SLC37A1: variants seen among roughly 807,000 people sequenced by gnomAD.
SLC37A1 encodes solute carrier family 37 member 1, also known as glucose-6-phosphate exchanger SLC37A1.
SLC37A1 carries 49 observed loss-of-function variants against 75.3 expected under a neutral mutation model. The ratio of observed to expected loss-of-function variants is 0.65; its 90% CI spans 0.52 to 0.83. The LOEUF (loss-of-function observed/expected upper bound fraction) is 0.83. Among genes scored for constraint, SLC37A1 ranks in the 40% least tolerant of loss-of-function variants. The pLI, the probability that SLC37A1 is intolerant of heterozygous loss-of-function variation, is 0.00. For missense variants in SLC37A1, 566 were observed against 695.0 expected, an observed-to-expected ratio of 0.81 and a Z score of 2.09; for synonymous variants, 268 against 292.1, an observed-to-expected ratio of 0.92 and a Z score of 0.84.
intron 3 of SLC37A1, chr21:42,526,089 C>A: frequency 2.2e-6 from 1 of 454,604 alleles, no homozygotes; most frequent in African/African-American, 2.0e-5. Flanking sequence ...TATTAGTTGA[C>A]ATTTCCAGAA....
At chr21:42,523,040 G>A (rs952372418) in intron 2 of SLC37A1, among the ~76,000 whole-genome samples, 5 of 152,238 alleles carry the variant, frequency 3.3e-5, no homozygotes, top group African/African-American at 7.2e-5. Context: ...ACCTCAGCCC[G>A]ACAAAGGGAG....
At chr21:42,564,515 C>T (rs1008212324) in intron 13 of SLC37A1, among the ~76,000 whole-genome samples, 193 bp from the exon 14 acceptor site, 4 of 152,230 alleles carry the variant, frequency 2.6e-5, no homozygotes, top group Non-Finnish European at 5.9e-5. Flanking sequence ...GTCTCCAAGA[C>T]TCTCACATCT....
intron 13 of SLC37A1, among the ~76,000 whole-genome samples, chr21:42,564,087 C>T (rs1280447237): frequency 6.6e-6 from 1 of 152,058 alleles, no homozygotes; most frequent in East Asian, 1.9e-4. Flanking sequence ...AACAGCTTCC[C>T]TCAGAAATAG....
intron 17 of SLC37A1, among the ~76,000 whole-genome samples, chr21:42,568,839 A>G (rs1169431520): frequency 6.6e-6 from 1 of 152,254 alleles, no homozygotes; most frequent in Non-Finnish European, 1.5e-5. Flanking sequence ...GCTCTTGAAG[A>G]GAATTCAGTG....
upstream of SLC37A1, among the ~76,000 whole-genome samples, chr21:42,511,579 A>C (rs558258922): frequency 1.2e-4 from 18 of 152,190 alleles, no homozygotes; most frequent in Non-Finnish European, 1.9e-4. Context: ...TGAACCTGGG[A>C]GTTCAAGACC....
Position 42,518,348 on chromosome 21 carries a change from G to A in SLC37A1, c.-107G>A. The A allele has an allele frequency of 7.0e-7, 1 of 1,427,002 alleles. No homozygotes were observed. Among genetic ancestry groups the A allele is most frequent in the South Asian group, 1.2e-5 (1 of 86,474 alleles). 88.4% of individuals were successfully genotyped at this position (1,427,002 alleles called of 1,614,324 possible). ...ACCTTCTTTCCACGCTTTCCAGCCT[G>A]TGGGAGCGGCAGGGGCAACAGAGAG... is the stretch of plus-strand genomic sequence containing the variant. On this transcript the variant is annotated 5_prime_UTR_variant, in exon 2 of 20. It adds an upstream start codon to the 5' untranslated region. Transcript: ENST00000352133.
At chr21:42,521,244 C>G (rs1276046832) in intron 2 of SLC37A1, among the ~76,000 whole-genome samples, 1 of 152,204 alleles carries the variant, frequency 6.6e-6, no homozygotes, top group East Asian at 1.9e-4. Context: ...AACCAATGAC[C>G]AACGTCAGTG....
chr21:42,563,698 T>C, intron 12 of SLC37A1, 117 bp from the exon 13 acceptor site: 1 of 852,330 alleles, frequency 1.2e-6, no homozygotes, highest in African/African-American at 1.7e-5. Context: ...TGCTCCTCGG[T>C]ATAAATCAAG....
chr21:42,559,506 G>C (rs576409129), intron 11 of SLC37A1, among the ~76,000 whole-genome samples: 1 of 152,236 alleles, frequency 6.6e-6, no homozygotes. Flanking sequence ...GGCCTTGAGC[G>C]TGAGCCCATG....
intron 11 of SLC37A1, 39 bp from the exon 12 acceptor site, chr21:42,562,039 C>G: frequency 6.5e-7 from 1 of 1,538,300 alleles, no homozygotes; most frequent in African/African-American, 1.4e-5. Flanking sequence ...CCTGCTGACT[C>G]CACATTTGGA....
intron 1 of SLC37A1, among the ~76,000 whole-genome samples, chr21:42,500,169 G>C (rs940629315): frequency 1.3e-5 from 2 of 152,142 alleles, no homozygotes; most frequent in Non-Finnish European, 2.9e-5. Context: ...ATGAGTTCAG[G>C]TCCATCTTAA....
At position 42,552,516 on chromosome 21, in the gene SLC37A1, C is replaced by T. The variant is rs2055582957; in HGVS notation, c.769-1546C>T. ...GCTTCATGCCAAAGGTGATATATTC[C>T]AACCAATTAGAACAGTGCCAGGCAC... On this transcript the variant is annotated intron_variant, in intron 9 of 19. Coordinates refer to ENST00000352133, the MANE Select transcript of SLC37A1 (RefSeq NM_001320537.2). The surrounding 1 kb of genome is among the most constrained non-coding windows in gnomAD (Gnocchi z 4.2). Among the ~76,000 whole-genome samples the T allele has an allele frequency of 6.6e-6, 1 of 152,160 alleles. No homozygotes were observed. Among genetic ancestry groups the T allele is most frequent in the African/African-American group, 2.4e-5 (1 of 41,444 alleles).
At chr21:42,554,692 C>T (rs1274477153) in intron 10 of SLC37A1, among the ~76,000 whole-genome samples, 1 of 152,190 alleles carries the variant, frequency 6.6e-6, no homozygotes, top group Non-Finnish European at 1.5e-5. Flanking sequence ...GAGGCATCTC[C>T]ACCTCCCCTA....
chr21:42,572,710 A>T (rs2056214481), intron 17 of SLC37A1, among the ~76,000 whole-genome samples: 1 of 118,760 alleles, frequency 8.4e-6, no homozygotes, highest in Non-Finnish European at 1.8e-5. Flanking sequence ...CCTGAGGTTC[A>T]GCTTAGTCTT....
Position 42,552,526 on chromosome 21 carries a change from G to C in SLC37A1, c.769-1536G>C, listed in dbSNP as rs2055583153. Among the ~76,000 whole-genome samples, 1 of 152,176 alleles carries C rather than the reference G, an allele frequency of 6.6e-6. No individual in the cohort carries two copies. The highest frequency in any genetic ancestry group is 6.5e-5 in the Admixed American group (1 of 15,280). ...AAAGGTGATATATTCCAACCAATTA[G>C]AACAGTGCCAGGCACAGAGTTGATG... On this transcript the variant is annotated intron_variant, in intron 9 of 19. Coordinates refer to ENST00000352133, the MANE Select transcript of SLC37A1 (RefSeq NM_001320537.2). This position sits in a 1 kb window ranked among gnomAD's most constrained non-coding sequence, Gnocchi z 4.2.
In SLC37A1 at chr21:42,568,553, G is replaced by A. The variant is rs528092204; in HGVS notation, c.1423+115G>A. ...CTGCATCTATAACATTGGGTGGGCC[G>A]GCTTCTTACTATACGAGCAGATGAG... On this transcript the variant is annotated intron_variant, in intron 17 of 19. Transcript: ENST00000352133. The A allele has an allele frequency of 2.0e-5, 20 of 994,050 alleles. No individual in the cohort carries two copies. In the African/African-American group the frequency reaches 2.2e-4, roughly 11 times the overall value. The allele number at this position is 994,050 out of a possible 1,614,324, so 61.6% of individuals were successfully genotyped here. A position where few individuals can be genotyped will look rare whatever the true frequency, so the allele number is the denominator to read the frequency against.
intron 4 of SLC37A1, 74 bp from the exon 5 acceptor site, chr21:42,535,398 T>C: frequency 7.7e-7 from 1 of 1,301,618 alleles, no homozygotes; most frequent in Non-Finnish European, 1.1e-6. Context: ...AGATGCTTTG[T>C]GTTTTATAGC....
intron 18 of SLC37A1, chr21:42,575,870 GT>G (rs1256500001): frequency 1.0e-6 from 1 of 985,158 alleles, no homozygotes; most frequent in African/African-American, 1.7e-5. Context: ...TCATCTGTGG[GT>G]TCTTTTAATG....
At chr21:42,578,771 G>A (rs368079286) in intron 18 of SLC37A1, among the ~76,000 whole-genome samples, 2 of 152,130 alleles carry the variant, frequency 1.3e-5, no homozygotes, top group African/African-American at 4.8e-5. Context: ...CTCATACAAG[G>A]GACTCCTAAG....
Sources: allele counts gnomAD v4.1 joint callset (sites outside exome capture counted in the v4.1 genomes callset), GRCh38; gene constraint gnomAD v4.1.1; non-coding constraint Gnocchi (gnomAD v3.1); transcripts MANE v1.5; gene names NCBI Gene and HGNC (gene_info 2026-07-23, HGNC 2026-07-21).